Variants in KCNMA1 observed in about 807,000 individuals in gnomAD.
KCNMA1 encodes the protein Calcium-activated potassium channel subunit alpha-1.
Under a neutral mutation model 140.0 loss-of-function variants are expected in KCNMA1, and 29 were observed. The ratio of observed to expected loss-of-function variants is 0.21; its 90% confidence interval spans 0.15 to 0.28. The LOEUF (loss-of-function observed/expected upper bound fraction) is 0.28, where lower values mean the gene tolerates loss of function less well. KCNMA1 is among the 10% of genes least tolerant of loss of function. The pLI is 1.00. For missense variants in KCNMA1, 880 were observed against 1,602.2 expected (o/e 0.55, Z 7.70); for synonymous variants, 612 against 611.9 (o/e 1.00, Z 0.00).
intron 5 of KCNMA1, among the ~76,000 whole-genome samples, chr10:77,157,343 A>G (rs181143981): frequency 1.3e-5 from 2 of 152,134 alleles, no homozygotes. Context: ...TCGGGAGGCT[A>G]GTACAAGTTC....
intron 19 of KCNMA1, among the ~76,000 whole-genome samples, chr10:77,000,881 T>TAG: frequency 1.0e-5 from 1 of 100,428 alleles, no homozygotes; most frequent in South Asian, 3.4e-4. Context: ...TATATATATA[T>TAG]ATATATATAT....
intron 25 of KCNMA1, among the ~76,000 whole-genome samples, chr10:76,898,771 T>C (rs983635069): frequency 2.6e-5 from 4 of 151,810 alleles, no homozygotes; most frequent in African/African-American, 7.2e-5. Flanking sequence ...GCCAATGCTA[T>C]AGAGACAAAT....
At chr10:76,989,832 T>C (rs2082266254) in intron 19 of KCNMA1, among the ~76,000 whole-genome samples, 1 of 151,300 alleles carries the variant, frequency 6.6e-6, no homozygotes, top group Non-Finnish European at 1.5e-5. Context: ...GCACTAGTTA[T>C]GGTTAAAGTG....
downstream of KCNMA1, among the ~76,000 whole-genome samples, chr10:76,880,875 G>GAA (rs887340133): frequency 4.6e-5 from 7 of 152,220 alleles, no homozygotes; most frequent in African/African-American, 1.7e-4. Context: ...TCTAAGATGA[G>GAA]AAGGGCAATT....
At chr10:77,268,135 G>A (rs1210303935) in intron 2 of KCNMA1, among the ~76,000 whole-genome samples, 1 of 152,148 alleles carries the variant, frequency 6.6e-6, no homozygotes, top group Admixed American at 6.5e-5. Context: ...TTGGAGAGAG[G>A]CCTAATACAT....
intron 2 of KCNMA1, among the ~76,000 whole-genome samples, chr10:77,403,060 A>C (rs1158190070): frequency 6.6e-6 from 1 of 152,140 alleles, no homozygotes; most frequent in African/African-American, 2.4e-5. Context: ...TGAAAGACTC[A>C]TGTCTCATGT....
chr10:77,533,957 C>T (rs1018004872), intron 1 of KCNMA1, among the ~76,000 whole-genome samples: 2 of 152,180 alleles, frequency 1.3e-5, no homozygotes, highest in Non-Finnish European at 2.9e-5. Context: ...CCTTCCCTCT[C>T]TTGCTCCATC....
intron 2 of KCNMA1, among the ~76,000 whole-genome samples, chr10:77,291,070 G>A (rs1170410893): frequency 1.3e-5 from 2 of 152,070 alleles, no homozygotes; most frequent in African/African-American, 2.4e-5. Flanking sequence ...TATGCCCCAC[G>A]CTACACATGA....
intron 2 of KCNMA1, among the ~76,000 whole-genome samples, chr10:77,345,564 G>T (rs1276519118): frequency 6.6e-6 from 1 of 152,180 alleles, no homozygotes. Context: ...TCAACCCAAG[G>T]GGGACAAATG....
At chr10:77,419,118 G>A (rs763608945) in intron 1 of KCNMA1, among the ~76,000 whole-genome samples, 1 of 152,182 alleles carries the variant, frequency 6.6e-6, no homozygotes, top group African/African-American at 2.4e-5. Context: ...CTCTGTTACT[G>A]CTCAGCTACT....
intron 19 of KCNMA1, among the ~76,000 whole-genome samples, chr10:76,974,842 G>A (rs1405755540): frequency 1.3e-5 from 2 of 152,028 alleles, no homozygotes; most frequent in Non-Finnish European, 2.9e-5. Context: ...AAAATATACT[G>A]AGTTCCCCGT....
intron 1 of KCNMA1, among the ~76,000 whole-genome samples, chr10:77,405,049 A>C (rs1405775410): frequency 6.6e-6 from 1 of 152,198 alleles, no homozygotes. Flanking sequence ...TCTGGCTTAA[A>C]ATGTGCTTGA....
intron 9 of KCNMA1, among the ~76,000 whole-genome samples, chr10:77,098,976 C>T (rs2153819467): frequency 6.6e-6 from 1 of 152,158 alleles, no homozygotes; most frequent in South Asian, 2.1e-4. Context: ...TCTCCCAATG[C>T]TAGATGGTTC....
chr10:77,021,504 G>A (rs978366333), intron 16 of KCNMA1, among the ~76,000 whole-genome samples: 11 of 152,212 alleles, frequency 7.2e-5, no homozygotes, highest in African/African-American at 2.7e-4. Context: ...TGACCCAGGA[G>A]GTGCCCTATT....
At chr10:77,088,882 G>A (rs2096753584) in intron 10 of KCNMA1, among the ~76,000 whole-genome samples, 1 of 152,188 alleles carries the variant, frequency 6.6e-6, no homozygotes, top group South Asian at 2.1e-4. Context: ...GATGTCCCCA[G>A]TCACTTCTGC....
chr10:77,473,529 T>C lies in KCNMA1; in HGVS notation c.379-69506A>G, dbSNP rs180732299. The stretch of plus-strand genomic sequence containing the variant: ...GAAGATTTAGAGAGAAATCTCTCTC[T>C]TGCTTTTCAGTAGAGCCTGACTTTC... On this transcript the variant is annotated intron_variant, in intron 1 of 27. Transcript: ENST00000286628. Among the ~76,000 whole-genome samples the C allele has an allele frequency of 1.2e-4, 18 of 152,314 alleles. No individual in the cohort carries two copies. The East Asian group carries it at 3.5e-3, about 29-fold the overall frequency.
chr10:76,893,829 A>G (rs771662905), intron 25 of KCNMA1, among the ~76,000 whole-genome samples: 1 of 152,212 alleles, frequency 6.6e-6, no homozygotes, highest in African/African-American at 2.4e-5. Context: ...TTACTGAAAG[A>G]AATTAAAGAA....
At chr10:77,245,662 C>T (rs1156557457) in intron 3 of KCNMA1, among the ~76,000 whole-genome samples, 1 of 152,164 alleles carries the variant, frequency 6.6e-6, no homozygotes, top group Non-Finnish European at 1.5e-5. Context: ...AATTCTGTAA[C>T]TCTCTAAAAG....
chr10:76,960,762 T>C (rs1408222605), intron 20 of KCNMA1, among the ~76,000 whole-genome samples: 1 of 151,758 alleles, frequency 6.6e-6, no homozygotes, highest in African/African-American at 2.4e-5. Context: ...CAACTTAAAG[T>C]CACCAGCTGC....
Sources: gnomAD v4.1 joint callset for allele counts (sites outside exome capture counted in the v4.1 genomes callset) on GRCh38, gnomAD v4.1.1 for gene constraint, MANE v1.5 for transcripts, NCBI Gene and HGNC (gene_info 2026-07-23, HGNC 2026-07-21) for gene names.